The following GAREM1 variants were observed in gnomAD, a reference collection of about 807,000 sequenced individuals.
GAREM1 encodes the protein GRB2 associated regulator of MAPK1 subtype 1.
Under a neutral mutation model 71.3 loss-of-function variants are expected in GAREM1, and 26 were observed. The ratio of observed to expected loss-of-function variants is 0.36; its 90% CI spans 0.27 to 0.51. The LOEUF is 0.51. Ranked by LOEUF, GAREM1 falls within the 20% of genes least tolerant of loss-of-function variation. GAREM1 has a pLI of 0.95. For missense variants in GAREM1, 1,026 were observed against 1,103.1 expected, an observed-to-expected ratio of 0.93 and a Z score of 0.99; for synonymous variants, 440 against 433.2, an observed-to-expected ratio of 1.02 and a Z score of -0.20.
intron 2 of GAREM1, among the ~76,000 whole-genome samples, chr18:32,374,407 C>G (rs540518286): frequency 9.8e-5 from 15 of 152,324 alleles, no homozygotes; most frequent in Middle Eastern, 3.4e-3. Flanking sequence ...GCAAGTTTTG[C>G]TCTCCTTGTC....
chr18:32,345,724 C>T (rs1239110247), intron 2 of GAREM1, among the ~76,000 whole-genome samples: 1 of 152,152 alleles, frequency 6.6e-6, no homozygotes, highest in African/African-American at 2.4e-5. Flanking sequence ...ATGAAAGCGA[C>T]ATTGGGGCAA....
intron 4 of GAREM1, among the ~76,000 whole-genome samples, chr18:32,283,350 G>A (rs1321227231): frequency 6.6e-6 from 1 of 152,104 alleles, no homozygotes; most frequent in Non-Finnish European, 1.5e-5. Context: ...CTCAAGACCA[G>A]CCTGGCCAAC....
intron 1 of GAREM1, among the ~76,000 whole-genome samples, chr18:32,432,903 G>A (rs930808480): frequency 6.6e-6 from 1 of 151,936 alleles, no homozygotes; most frequent in Non-Finnish European, 1.5e-5. Context: ...ATCTCTTCAA[G>A]AAAATATAAG....
intron 2 of GAREM1, among the ~76,000 whole-genome samples, chr18:32,315,503 AAGT>A (rs1053992029): frequency 9.5e-5 from 14 of 147,488 alleles, no homozygotes; most frequent in Non-Finnish European, 2.1e-4. Context: ...ATATATAAAA[AAGT>A]AGATATATAT....
chr18:32,386,137 C>T (rs2048145237), intron 2 of GAREM1, among the ~76,000 whole-genome samples: 1 of 152,142 alleles, frequency 6.6e-6, no homozygotes, highest in African/African-American at 2.4e-5. Flanking sequence ...GTCACATAAG[C>T]TTTATCCCAT....
intron 5 of GAREM1, 46 bp downstream of exon 5, chr18:32,270,171 T>C (rs780079512): frequency 3.1e-6 from 5 of 1,595,284 alleles, no homozygotes; most frequent in Non-Finnish European, 4.3e-6. Flanking sequence ...CATGAACTGG[T>C]GGATGAGAAG....
intron 2 of GAREM1, among the ~76,000 whole-genome samples, chr18:32,364,003 T>C (rs191223194): frequency 9.9e-5 from 4 of 40,264 alleles, no homozygotes; most frequent in East Asian, 6.5e-4. Context: ...TACATATATA[T>C]ATATATATAT....
intron 1 of GAREM1, among the ~76,000 whole-genome samples, chr18:32,420,043 G>T (rs1310470375): frequency 6.6e-6 from 1 of 152,174 alleles, no homozygotes; most frequent in African/African-American, 2.4e-5. Flanking sequence ...ACAGGCTCTG[G>T]AGATAAACAG....
intron 3 of GAREM1, among the ~76,000 whole-genome samples, chr18:32,307,803 G>A (rs1167542211): frequency 1.3e-5 from 2 of 152,202 alleles, no homozygotes; most frequent in African/African-American, 4.8e-5. Flanking sequence ...GATTACAGGT[G>A]TGAGCCACTG....
At chr18:32,299,290 G>A (rs575500468) in intron 3 of GAREM1, among the ~76,000 whole-genome samples, 272 of 152,030 alleles carry the variant, frequency 1.8e-3, no homozygotes, top group Non-Finnish European at 3.2e-3. Flanking sequence ...GGAGGCGGGC[G>A]GATCACGAGG....
intron 1 of GAREM1, among the ~76,000 whole-genome samples, chr18:32,419,943 G>A (rs932172561): frequency 3.9e-5 from 6 of 152,186 alleles, no homozygotes; most frequent in African/African-American, 1.2e-4. Context: ...TACGAAAGCA[G>A]TTGTCACCTC....
chr18:32,268,800 T>G, intron 5 of GAREM1, 32 bp from the exon 6 acceptor site: 1 of 1,580,272 alleles, frequency 6.3e-7, no homozygotes. Flanking sequence ...AGAAATCAGT[T>G]AAAAGAAAAA....
chr18:32,445,543 T>C (rs2048778508), intron 1 of GAREM1, among the ~76,000 whole-genome samples: 2 of 152,112 alleles, frequency 1.3e-5, no homozygotes, highest in South Asian at 4.1e-4. Context: ...ATCAATAGTC[T>C]TGTCAAAACT....
At chr18:32,270,512 A>G (rs1251221391) in intron 4 of GAREM1, 129 bp from the exon 5 acceptor site, 2 of 708,704 alleles carry the variant, frequency 2.8e-6, no homozygotes, top group Non-Finnish European at 4.5e-6. Flanking sequence ...TGGCAGAGAG[A>G]AGATTGAAGT....
intron 1 of GAREM1, among the ~76,000 whole-genome samples, chr18:32,456,708 C>T (rs971802514): frequency 6.6e-6 from 1 of 152,018 alleles, no homozygotes; most frequent in Non-Finnish European, 1.5e-5. Flanking sequence ...TTAGAAATCA[C>T]AGAATTCTAC....
At chr18:32,462,519 C>T (rs149193212) in intron 1 of GAREM1, among the ~76,000 whole-genome samples, 1 of 152,336 alleles carries the variant, frequency 6.6e-6, no homozygotes, top group East Asian at 1.9e-4. Context: ...AACACCTTAT[C>T]AGATACATAG....
At chr18:32,389,034 TTGTC>T (rs751098653) in intron 2 of GAREM1, among the ~76,000 whole-genome samples, 5 of 152,170 alleles carry the variant, frequency 3.3e-5, no homozygotes, top group Admixed American at 1.3e-4. Context: ...AATAGCATAT[TTGTC>T]TGTATTTGTA....
At chr18:32,466,864 G>C (rs963976206) in intron 1 of GAREM1, among the ~76,000 whole-genome samples, 1 of 152,164 alleles carries the variant, frequency 6.6e-6, no homozygotes, top group Non-Finnish European at 1.5e-5. Context: ...CTCCCAAGGA[G>C]AATTGCTAGA....
intron 2 of GAREM1, among the ~76,000 whole-genome samples, chr18:32,366,442 A>C (rs1477356709): frequency 6.6e-6 from 1 of 152,200 alleles, no homozygotes; most frequent in East Asian, 1.9e-4. Context: ...AAATTAGGGC[A>C]AGGGCTACCC....
Sources: gnomAD v4.1 joint callset for allele counts (sites outside exome capture counted in the v4.1 genomes callset) on GRCh38, gnomAD v4.1.1 for gene constraint, MANE v1.5 for transcripts, NCBI Gene and HGNC (gene_info 2026-07-23, HGNC 2026-07-21) for gene names.